ACADSB: variants seen among roughly 807,000 people sequenced by gnomAD.
The protein encoded by ACADSB is short/branched chain specific acyl-CoA dehydrogenase, mitochondrial.
In ACADSB, 40 loss-of-function variants were observed where a neutral mutation model predicts 54.1. The observed-to-expected ratio is 0.74, with a 90% CI of 0.57 to 0.96. The LOEUF is 0.96. Ranked by LOEUF, ACADSB falls within the 40% of genes least tolerant of loss-of-function variation. The pLI, the probability that ACADSB is intolerant of heterozygous loss-of-function variation, is 0.00. For missense variants in ACADSB, 530 were observed against 510.4 expected (o/e 1.04, Z -0.37); for synonymous variants, 182 against 182.8 (o/e 1.00, Z 0.03).
rs148114788 is a variant in ACADSB at position 123,043,090 on chromosome 10, G to A, written c.726G>A (p.Pro242=). 238 of 1,613,720 alleles carry A rather than the reference G, an allele frequency of 1.5e-4. 1 individual carries two copies. The Admixed American group carries it at 2.2e-3, about 15-fold the overall frequency. The change falls in exon 6 of 11, where the codon CCG becomes CCA. Residue 242 remains proline, a synonymous_variant. Transcript: ENST00000358776. ...ITSFLVDRDT[P]GLHIGKPENK... ...CCTTCTTAGTAGATCGTGATACTCC[G>A]GGCCTTCATATAGGGAAACCTGAAA...
In ACADSB at chr10:123,053,057, G is replaced by A. The variant is rs1412689390; in HGVS notation, c.1129-4G>A. ...AGTGTGTGATTTGCACTTGCTTTTG[G>A]TAGATTGCAGGACAAACAACGAGTA... On this transcript the variant is annotated splice_polypyrimidine_tract_variant and splice_region_variant and intron_variant, in intron 9 of 10. Coordinates refer to ENST00000358776, the MANE Select transcript of ACADSB (RefSeq NM_001609.4). 2 of 1,612,666 alleles carry A rather than the reference G, an allele frequency of 1.2e-6. No individual in the cohort carries two copies. Among genetic ancestry groups the A allele is most frequent in the Non-Finnish European group, 1.7e-6 (2 of 1,178,778 alleles).
Position 123,041,253 on chromosome 10 carries a change from A to G in ACADSB, c.555A>G (p.Ser185=), listed in dbSNP as rs762414612. The G allele has an allele frequency of 3.7e-5, 59 of 1,614,024 alleles. No homozygotes were observed. In the East Asian group the frequency reaches 1.2e-3, roughly 34 times the overall value. The part of the protein sequence containing the change: ...CLSEAGAGSD[S]FALKTRADKE... ...CAGAGGCTGGAGCAGGTAGTGACTCATTTGCTTTGAAGACCAGAGCTGATA... is the reference window on the plus strand; with the variant it reads ...CAGAGGCTGGAGCAGGTAGTGACTCGTTTGCTTTGAAGACCAGAGCTGATA... The change falls in exon 5 of 11, where the codon TCA becomes TCG. Residue 185 remains serine (S), a synonymous_variant. Coordinates refer to ENST00000358776, the MANE Select transcript of ACADSB (RefSeq NM_001609.4).
At chr10:123,034,239 G>A in intron 1 of ACADSB, 117 bp from the exon 2 acceptor site, 2 of 1,044,852 alleles carry the variant, frequency 1.9e-6, no homozygotes, top group Non-Finnish European at 2.9e-6. Flanking sequence ...ATTTAAAAAT[G>A]CGCTAGGTTA....
At chr10:123,050,902 T>G in intron 8 of ACADSB, 147 bp from the exon 9 acceptor site, 1 of 749,176 alleles carries the variant, frequency 1.3e-6, no homozygotes, top group Middle Eastern at 3.9e-4. Flanking sequence ...AGATTACTCA[T>G]TTTAAAGTAT....
At chr10:123,017,695 C>T (rs888201675) in intron 1 of ACADSB, among the ~76,000 whole-genome samples, 3 of 143,112 alleles carry the variant, frequency 2.1e-5, no homozygotes, top group South Asian at 2.1e-4. Flanking sequence ...TCCTGCTAGA[C>T]AAGAAACGTT....
In ACADSB at chr10:123,044,362, CTG is replaced by C. The variant is rs748388686; in HGVS notation, c.808-30_808-29del. The C allele has an allele frequency of 5.8e-5, 89 of 1,524,400 alleles. 1 individual carries two copies. The highest frequency in any genetic ancestry group is 7.8e-5 in the Non-Finnish European group (86 of 1,098,810). 94.4% of individuals were successfully genotyped at this position (1,524,400 alleles called of 1,614,324 possible). ...TCAAAATGAATCATGGAAAATGAAACTGAGAAATAAGTGCACATTTGTATTTT... is the reference window on the plus strand; with the variant it reads ...TCAAAATGAATCATGGAAAATGAAACAGAAATAAGTGCACATTTGTATTTT... On this transcript the variant is annotated intron_variant, in intron 6 of 10. Coordinates refer to ENST00000358776, the MANE Select transcript of ACADSB (RefSeq NM_001609.4).
At position 123,047,271 on chromosome 10, in the gene ACADSB, A is replaced by G; in HGVS notation, c.963A>G (p.Gln321=). The part of the protein sequence containing the change: ...YTIPYIKERI[Q]FGKRLFDFQG... ...TTCCATATATTAAAGAAAGGATACA[A>G]TTTGGCAAAAGACTATTTGATTTTC... The change falls in exon 8 of 11, where the codon CAA becomes CAG. Residue 321 remains glutamine (Q), a synonymous_variant. Coordinates refer to ENST00000358776, the MANE Select transcript of ACADSB (RefSeq NM_001609.4). 1.2e-6 allele frequency: 2 copies of G among 1,604,908 alleles called. No homozygotes were observed. Among genetic ancestry groups the G allele is most frequent in the Non-Finnish European group, 1.7e-6 (2 of 1,171,542 alleles).
chr10:123,035,106 C>T (rs972925743), intron 2 of ACADSB, among the ~76,000 whole-genome samples: 14 of 152,164 alleles, frequency 9.2e-5, no homozygotes, highest in Admixed American at 3.3e-4. Flanking sequence ...CGTGCCACCA[C>T]GCCTGGCTAG....
Position 123,043,057 on chromosome 10 carries a change from A to T in ACADSB, c.693A>T (p.Gly231=). 1 of 1,613,766 alleles carries T rather than the reference A, an allele frequency of 6.2e-7. No homozygotes were observed. Among genetic ancestry groups the T allele is most frequent in the Non-Finnish European group, 8.5e-7 (1 of 1,179,734 alleles). Residue 231 remains glycine, a synonymous_variant, in exon 6 of 11, where the codon GGA becomes GGT. Coordinates refer to ENST00000358776, the MANE Select transcript of ACADSB (RefSeq NM_001609.4). The part of the protein sequence containing the change: ...ANVDPTIGYK[G]ITSFLVDRDT... Reference sequence around the variant, plus strand: ...ATTCTTCTTTTTAGGGATATAAGGGAATTACCTCCTTCTTAGTAGATCGTG... The same window carrying T: ...ATTCTTCTTTTTAGGGATATAAGGGTATTACCTCCTTCTTAGTAGATCGTG...
At chr10:123,047,183 C>A (rs759490731) in intron 7 of ACADSB, 26 bp from the exon 8 acceptor site, 3 of 1,519,214 alleles carry the variant, frequency 2.0e-6, no homozygotes, top group African/African-American at 2.7e-5. Flanking sequence ...ATAAGAAATT[C>A]TGATCTTATT....
chr10:123,032,384 G>C (rs927600079), intron 1 of ACADSB, among the ~76,000 whole-genome samples: 1 of 152,052 alleles, frequency 6.6e-6, no homozygotes, highest in Non-Finnish European at 1.5e-5. Context: ...ATCTCCCTTA[G>C]AAATAAGAAA....
chr10:123,019,015 A>G (rs1850142847), intron 1 of ACADSB, among the ~76,000 whole-genome samples: 1 of 152,214 alleles, frequency 6.6e-6, no homozygotes, highest in Non-Finnish European at 1.5e-5. Context: ...AAAACTGAAT[A>G]TAGTGTTAAG....
intron 2 of ACADSB, among the ~76,000 whole-genome samples, chr10:123,035,676 G>A (rs74159952): frequency 0.022 from 3,346 of 152,262 alleles, 122 homozygotes; most frequent in African/African-American, 0.075. Context: ...GTCCTTCCAA[G>A]CTCCCGTGGT....
intron 7 of ACADSB, among the ~76,000 whole-genome samples, chr10:123,045,157 ATATATATATATATATTTTTTTTT>A (rs1564752975): frequency 7.9e-5 from 1 of 12,696 alleles, no homozygotes; most frequent in African/African-American, 4.1e-4. Context: ...ATATATATAT[ATATATATATATATATTTTTTTTT>A]TTTTTTTTTT....
At chr10:123,029,410 C>A (rs1279679676) in intron 1 of ACADSB, among the ~76,000 whole-genome samples, 1 of 151,992 alleles carries the variant, frequency 6.6e-6, no homozygotes, top group East Asian at 1.9e-4. Context: ...CACACTTCCA[C>A]CCTCTCCTCA....
chr10:123,044,451 G>C lies in ACADSB; in HGVS notation c.866G>C (p.Ser289Thr), dbSNP rs1850523143. Residue 289 changes from serine (S) to threonine (T), a missense_variant, in exon 7 of 11, where the codon AGT becomes ACT. Physicochemically the swap from Ser to Thr is moderately conservative, Grantham distance 58. Transcript: ENST00000358776. ...CATGGCTATAAGTATGCCATAGGGAGTCTCAATGAAGGTAGAATAGGAATT... is the reference window on the plus strand; with the variant it reads ...CATGGCTATAAGTATGCCATAGGGACTCTCAATGAAGGTAGAATAGGAATT... ...IGHGYKYAIG[S>T]LNEGRIGIAA... The C allele has an allele frequency of 6.2e-7, 1 of 1,613,778 alleles. No homozygotes were observed. The highest frequency in any genetic ancestry group is 8.5e-7 in the Non-Finnish European group (1 of 1,179,838).
At chr10:123,011,659 T>TG (rs756517307) in intron 1 of ACADSB, among the ~76,000 whole-genome samples, 5 of 151,786 alleles carry the variant, frequency 3.3e-5, no homozygotes, top group Admixed American at 6.6e-5. Context: ...CCCGAGTAAC[T>TG]GGGATTACAG....
chr10:123,041,082 A>C, intron 4 of ACADSB, 127 bp from the exon 5 acceptor site: 1 of 1,075,306 alleles, frequency 9.3e-7, no homozygotes, highest in Admixed American at 2.3e-5. Flanking sequence ...TGCTATTTTC[A>C]TAAATATAGG....
chr10:123,020,653 G>A (rs928818767), intron 1 of ACADSB, among the ~76,000 whole-genome samples: 1 of 152,186 alleles, frequency 6.6e-6, no homozygotes, highest in African/African-American at 2.4e-5. Context: ...CAGCTAAACT[G>A]TTTTCCAGAG....
Sources: gnomAD v4.1 joint callset for allele counts (sites outside exome capture counted in the v4.1 genomes callset) on GRCh38, gnomAD v4.1.1 for gene constraint, MANE v1.5 for transcripts, NCBI Gene and HGNC (gene_info 2026-07-23, HGNC 2026-07-21) for gene names.